The following SMARCC1 variants were observed in gnomAD, a reference collection of about 807,000 sequenced individuals.
SMARCC1 encodes the protein SWI/SNF complex subunit SMARCC1.
Under a neutral mutation model 147.4 loss-of-function variants are expected in SMARCC1, and 43 were observed. That is an observed-to-expected ratio of 0.29 (90% CI 0.23 to 0.38). The LOEUF is 0.38. Ranked by LOEUF, SMARCC1 falls within the 10% of genes least tolerant of loss-of-function variation. The pLI is 1.00. For missense variants in SMARCC1, 1,119 were observed against 1,381.1 expected, an observed-to-expected ratio of 0.81 and a Z score of 3.01; for synonymous variants, 495 against 484.4, an observed-to-expected ratio of 1.02 and a Z score of -0.29.
chr3:47,670,762 G>A (rs1313399844), intron 18 of SMARCC1, 45 bp from the exon 19 acceptor site: 2 of 1,142,904 alleles, frequency 1.7e-6, no homozygotes, highest in Non-Finnish European at 2.7e-6. Flanking sequence ...TTTAAATGCT[G>A]AAGATGGAGC....
intron 19 of SMARCC1, among the ~76,000 whole-genome samples, chr3:47,666,839 T>C (rs551287944): frequency 1.5e-4 from 23 of 152,218 alleles, no homozygotes; most frequent in Admixed American, 3.9e-4. Context: ...TTAAGAAAAG[T>C]TTTTTAATAG....
chr3:47,701,536 C>T (rs890530656), intron 10 of SMARCC1, 134 bp from the exon 11 acceptor site: 11 of 839,718 alleles, frequency 1.3e-5, no homozygotes, highest in East Asian at 8.2e-5. Context: ...AACAGTAGGT[C>T]GGTCGCGGTG....
intron 1 of SMARCC1, 104 bp downstream of exon 1, chr3:47,781,499 T>A (rs2035047816): frequency 3.8e-6 from 3 of 790,300 alleles, no homozygotes; most frequent in Non-Finnish European, 5.4e-6. Flanking sequence ...TTGTTGTCCC[T>A]CGTGGCGTGC....
chr3:47,675,482 A>G lies in SMARCC1; in HGVS notation c.1832T>C (p.Leu611Ser). 6.4e-7 allele frequency: 1 copy of G among 1,563,650 alleles called. No homozygotes were observed. The highest frequency in any genetic ancestry group is 8.8e-7 in the Non-Finnish European group (1 of 1,134,226). ...LRTDIYSKKT[L>S]AKSKGASAGR... is the part of the protein sequence containing the mutation. ...TGTGATTAGAAAAATTACCTTTGCT[A>G]ATGTTTTCTTGGAGTAAATGTCAGT... Residue 611 changes from leucine (L) to serine (S), a missense_variant, in exon 18 of 28, where the codon TTA becomes TCA. By Grantham distance (145) the Leu-to-Ser change is moderately radical (BLOSUM62 -2). Around this residue, in one of 6 missense-constraint regions of SMARCC1, gnomAD observed 178 missense variants for 264.6 expected, o/e 0.67. Coordinates refer to ENST00000254480, the MANE Select transcript of SMARCC1 (RefSeq NM_003074.4).
intron 5 of SMARCC1, among the ~76,000 whole-genome samples, chr3:47,729,548 G>A (rs2034344052): frequency 6.6e-6 from 1 of 152,148 alleles, no homozygotes; most frequent in Admixed American, 6.6e-5. Context: ...AGCACGCCTG[G>A]CTAATTTTTC....
chr3:47,775,581 G>A (rs2034964926), intron 1 of SMARCC1, among the ~76,000 whole-genome samples: 1 of 150,880 alleles, frequency 6.6e-6, no homozygotes, highest in Admixed American at 6.6e-5. Flanking sequence ...AGACCAACCT[G>A]ACTAAAGCAG....
At chr3:47,693,396 C>G in intron 11 of SMARCC1, 96 bp from the exon 12 acceptor site, 1 of 696,536 alleles carries the variant, frequency 1.4e-6, no homozygotes, top group Non-Finnish European at 2.5e-6. Context: ...CGACATGCAT[C>G]TCACTACAAC....
intron 7 of SMARCC1, 28 bp from the exon 8 acceptor site, chr3:47,714,518 A>T (rs2034131770): frequency 8.9e-7 from 1 of 1,117,790 alleles, no homozygotes; most frequent in Non-Finnish European, 1.3e-6. Flanking sequence ...TGAGAAAAAC[A>T]AATTAGAGTC....
intron 1 of SMARCC1, among the ~76,000 whole-genome samples, chr3:47,775,589 C>T (rs1030624785): frequency 2.7e-5 from 4 of 150,900 alleles, no homozygotes; most frequent in African/African-American, 4.9e-5. Flanking sequence ...CTGACTAAAG[C>T]AGTGAAACCC....
intron 25 of SMARCC1, among the ~76,000 whole-genome samples, chr3:47,620,412 G>A (rs1034271255): frequency 3.3e-5 from 5 of 151,422 alleles, no homozygotes; most frequent in Admixed American, 2.0e-4. Context: ...GTGGTGAGCC[G>A]AGATCATGCC....
chr3:47,741,859 G>C (rs1407192803), intron 3 of SMARCC1, among the ~76,000 whole-genome samples: 1 of 151,442 alleles, frequency 6.6e-6, no homozygotes, highest in Non-Finnish European at 1.5e-5. Flanking sequence ...TCAGATTATA[G>C]GTGTGAGTTA....
At chr3:47,608,428 TA>T (rs2032512149) in intron 26 of SMARCC1, among the ~76,000 whole-genome samples, 1 of 152,154 alleles carries the variant, frequency 6.6e-6, no homozygotes. Context: ...CGCTCAATTC[TA>T]AAACAATTTA....
At position 47,636,159 on chromosome 3, in the gene SMARCC1, G is replaced by GT. The variant is rs755268616; in HGVS notation, c.2377-24_2377-23insA. ...TGCCTGAAAGGGATATAAAACAAGA[G>GT]GACAGGCAGTGAACAAAAAAACCCC... is the stretch of plus-strand genomic sequence containing the variant. On this transcript the variant is annotated intron_variant, in intron 22 of 27. Transcript: ENST00000254480. 1,048 of 1,343,568 alleles carry GT rather than the reference G, an allele frequency of 7.8e-4. 15 individuals are homozygous for GT. The East Asian group carries it at 0.023, about 29-fold the overall frequency. The allele number at this position is 1,343,568 out of a possible 1,614,324, so 83.2% of individuals were successfully genotyped here.
intron 2 of SMARCC1, among the ~76,000 whole-genome samples, chr3:47,752,027 T>C (rs1299009467): frequency 1.3e-5 from 2 of 152,152 alleles, no homozygotes; most frequent in African/African-American, 4.8e-5. Context: ...GAGGTTGCGA[T>C]GAACCGAGAT....
intron 3 of SMARCC1, among the ~76,000 whole-genome samples, chr3:47,738,678 G>A (rs954281677): frequency 4.7e-5 from 7 of 149,862 alleles, no homozygotes; most frequent in African/African-American, 1.2e-4. Flanking sequence ...GCAAGACTCC[G>A]TCTCAAAAAA....
intron 18 of SMARCC1, among the ~76,000 whole-genome samples, chr3:47,674,102 T>C (rs2033539128): frequency 6.6e-6 from 1 of 152,266 alleles, no homozygotes; most frequent in African/African-American, 2.4e-5. Context: ...AATGTAAACT[T>C]TGTAACAGTT....
intron 2 of SMARCC1, among the ~76,000 whole-genome samples, chr3:47,755,989 TAAAAAAAAAAAAAAAAAAA>T (rs34001771): frequency 1.7e-4 from 4 of 22,908 alleles, no homozygotes; most frequent in East Asian, 1.9e-3. Flanking sequence ...GGCTTCATCT[TAAAAAAAAAAAAAAAAAAA>T]AAAAAAAAAA....
chr3:47,613,173 T>C (rs2032586790), intron 25 of SMARCC1, among the ~76,000 whole-genome samples: 1 of 152,138 alleles, frequency 6.6e-6, no homozygotes, highest in Non-Finnish European at 1.5e-5. Context: ...TGTGTAAGGA[T>C]GGTCATCAAG....
At chr3:47,689,935 G>C (rs923066308) in intron 12 of SMARCC1, among the ~76,000 whole-genome samples, 4 of 152,172 alleles carry the variant, frequency 2.6e-5, no homozygotes, top group African/African-American at 7.2e-5. Flanking sequence ...AAGTAAAACT[G>C]CCAGTACAGA....
Sources: gnomAD v4.1 joint callset for allele counts (sites outside exome capture counted in the v4.1 genomes callset) on GRCh38, gnomAD v4.1.1 for gene constraint, gnomAD v4.1.1 regional missense constraint, MANE v1.5 for transcripts, NCBI Gene and HGNC (gene_info 2026-07-23, HGNC 2026-07-21) for gene names.